THRAP3: variants seen among roughly 807,000 people sequenced by gnomAD.
THRAP3 encodes thyroid hormone receptor associated protein 3.
Under a neutral mutation model 101.0 loss-of-function variants are expected in THRAP3, and 16 were observed. That is an observed-to-expected ratio of 0.16 (90% CI 0.11 to 0.24). The LOEUF (loss-of-function observed/expected upper bound fraction) is 0.24, where lower values mean the gene tolerates loss of function less well. THRAP3 is among the 10% of genes least tolerant of loss of function. The probability of loss-of-function intolerance (pLI) is 1.00; values close to 1 mark genes in which losing one functional copy is unlikely to be tolerated. For synonymous variants in THRAP3, 407 were observed against 422.6 expected, an observed-to-expected ratio of 0.96 and a Z score of 0.45; for missense variants, 989 against 1,202.7, an observed-to-expected ratio of 0.82 and a Z score of 2.63.
chr1:36,292,140 C>T (rs1438776884), intron 6 of THRAP3, among the ~76,000 whole-genome samples: 2 of 151,620 alleles, frequency 1.3e-5, no homozygotes, highest in Non-Finnish European at 2.9e-5. Flanking sequence ...ATTTTTCCTT[C>T]CTCTTCTCAG....
rs548216042 is a variant in THRAP3 at position 36,287,296 on chromosome 1, G to C, written c.1040+26G>C. On this transcript the variant is annotated intron_variant, in intron 4 of 11. Transcript: ENST00000354618. The stretch of plus-strand genomic sequence containing the variant: ...GCAAGTATCTCATTTCCCCTGCCTG[G>C]TTGTGTTTTTATCTCACTAGCTGGC... The C allele has an allele frequency of 1.8e-5, 28 of 1,559,744 alleles. 1 individual carries two copies. In the South Asian group the frequency reaches 3.1e-4, roughly 18 times the overall value.
chr1:36,286,452 A>G lies in THRAP3; in HGVS notation c.222A>G (p.Arg74=). ...HPRVYQNRDF[R]GHNRGYRRPY... is the part of the protein sequence containing the mutation. ...GAGTATATCAGAATCGGGATTTCCG[A>G]GGTCACAACAGAGGCTATAGAAGGC... is the stretch of plus-strand genomic sequence containing the variant. Residue 74 remains arginine, a synonymous_variant, in exon 4 of 12, where the codon CGA becomes CGG. Coordinates refer to ENST00000354618, the MANE Select transcript of THRAP3 (RefSeq NM_005119.4). The surrounding 1 kb of genome is among the most constrained non-coding windows in gnomAD (Gnocchi z 5.5). The G allele has an allele frequency of 6.2e-7, 1 of 1,614,218 alleles. No individual in the cohort carries two copies. Among genetic ancestry groups the G allele is most frequent in the South Asian group, 1.1e-5 (1 of 91,088 alleles).
rs531701262 is a variant in THRAP3, at chr1:36,282,800, A to AC, written c.137+101dup. The AC allele has an allele frequency of 6.1e-4, 852 of 1,403,566 alleles. 4 individuals are homozygous for AC. The highest frequency in any genetic ancestry group is 3.0e-3 in the African/African-American group (209 of 70,596). The allele number at this position is 1,403,566 out of a possible 1,614,324, so 86.9% of individuals were successfully genotyped here. On this transcript the variant is annotated intron_variant, in intron 3 of 11. Coordinates refer to ENST00000354618, the MANE Select transcript of THRAP3 (RefSeq NM_005119.4). ...GACTTTTCCTGTGAGTGTCAAATGG[A>AC]CTGGGGGGTTGGCTTGAGGTGCAGG...
At chr1:36,287,791 T>C (rs1645814801) in intron 4 of THRAP3, 5 of 985,448 alleles carry the variant, frequency 5.1e-6, no homozygotes, top group Non-Finnish European at 6.0e-6. Flanking sequence ...AAGGTGGGTG[T>C]ATGTCCCAGT....
At chr1:36,239,245 G>T (rs1001255341) in intron 1 of THRAP3, among the ~76,000 whole-genome samples, 2 of 134,694 alleles carry the variant, frequency 1.5e-5, no homozygotes, top group Non-Finnish European at 3.1e-5. Flanking sequence ...TCCCTGTGTT[G>T]CCCAGGCTGG....
At chr1:36,258,670 G>A (rs1468321654) in intron 1 of THRAP3, among the ~76,000 whole-genome samples, 1 of 152,014 alleles carries the variant, frequency 6.6e-6, no homozygotes, top group Non-Finnish European at 1.5e-5. Flanking sequence ...TACTAGAGAC[G>A]GGATTCCACC....
At chr1:36,260,606 A>G (rs1645432575) in intron 2 of THRAP3, among the ~76,000 whole-genome samples, 2 of 151,856 alleles carry the variant, frequency 1.3e-5, no homozygotes, top group Admixed American at 6.6e-5. Context: ...GCGGATCACA[A>G]GGTCAGGAGA....
intron 6 of THRAP3, among the ~76,000 whole-genome samples, chr1:36,292,260 G>GTTTTTTTTTTTTTT: frequency 7.6e-5 from 1 of 13,108 alleles, no homozygotes; most frequent in Non-Finnish European, 1.9e-4. Context: ...GTGTTTCTTT[G>GTTTTTTTTTTTTTT]TTTCTTTTTT....
At chr1:36,292,941 A>G (rs991320307) in intron 7 of THRAP3, among the ~76,000 whole-genome samples, 9 of 151,112 alleles carry the variant, frequency 6.0e-5, no homozygotes, top group African/African-American at 1.9e-4. Context: ...ACATAGATTA[A>G]CTCCTATATT....
intron 9 of THRAP3, 138 bp from the exon 10 acceptor site, chr1:36,300,748 G>A (rs1329182952): frequency 2.6e-6 from 2 of 782,584 alleles, no homozygotes; most frequent in African/African-American, 3.5e-5. Context: ...GGGGTGAGCT[G>A]GCTTTATAAG....
At chr1:36,279,963 A>T (rs1403953139) in intron 2 of THRAP3, among the ~76,000 whole-genome samples, 1 of 152,216 alleles carries the variant, frequency 6.6e-6, no homozygotes, top group Non-Finnish European at 1.5e-5. Flanking sequence ...ACTGCTCTAG[A>T]CAGGCAATAT....
At chr1:36,236,690 G>A (rs780422140) in intron 1 of THRAP3, among the ~76,000 whole-genome samples, 44 of 152,226 alleles carry the variant, frequency 2.9e-4, no homozygotes, top group Admixed American at 7.2e-4. Flanking sequence ...AAGAGTTTCC[G>A]AATTTCCTTT....
intron 8 of THRAP3, 198 bp downstream of exon 8, chr1:36,294,133 G>A: frequency 7.4e-7 from 1 of 1,356,198 alleles, no homozygotes; most frequent in Non-Finnish European, 9.5e-7. Context: ...GTTAGAATAT[G>A]GTAAATGACC....
At chr1:36,210,167 C>A in the THRAP3 span, among the ~76,000 whole-genome samples, 1 of 149,286 alleles carries the variant, frequency 6.7e-6, no homozygotes, top group Non-Finnish European at 1.5e-5. Flanking sequence ...AAGATCGAGA[C>A]CATCCTGGCT....
intron 2 of THRAP3, among the ~76,000 whole-genome samples, chr1:36,276,263 C>T (rs1360101275): frequency 2.0e-5 from 3 of 151,096 alleles, no homozygotes; most frequent in African/African-American, 7.3e-5. Flanking sequence ...TGGTGGCTCA[C>T]ACCTGTAATC....
chr1:36,284,097 G>A (rs1250950437), intron 3 of THRAP3, among the ~76,000 whole-genome samples: 1 of 152,110 alleles, frequency 6.6e-6, no homozygotes, highest in African/African-American at 2.4e-5. Flanking sequence ...GTAACTAGAA[G>A]AAACTAAATA....
upstream of THRAP3, among the ~76,000 whole-genome samples, chr1:36,220,798 A>G (rs1039761060): frequency 1.3e-5 from 2 of 151,598 alleles, no homozygotes; most frequent in African/African-American, 2.4e-5. Flanking sequence ...TACTAAAAAC[A>G]CAAAAAATTA....
In THRAP3 at chr1:36,289,592, G is replaced by A; in HGVS notation, c.1573G>A (p.Ala525Thr). Residue 525 changes from alanine (A) to threonine (T), a missense_variant, in exon 5 of 12, where the codon GCT becomes ACT. By Grantham distance (58) the Ala-to-Thr change is moderately conservative. Coordinates refer to ENST00000354618, the MANE Select transcript of THRAP3 (RefSeq NM_005119.4). ...FVPEKNFRVT[A>T]YKAVQEKSSS... The stretch of plus-strand genomic sequence containing the variant: ...GCCTGAGAAGAATTTCCGAGTGACT[G>A]CTTATAAAGCAGTCCAGGAGAAAAG... The A allele has an allele frequency of 1.2e-6, 2 of 1,614,112 alleles. No individual in the cohort carries two copies. The highest frequency in any genetic ancestry group is 1.7e-6 in the Non-Finnish European group (2 of 1,180,014).
At position 36,286,061 on chromosome 1, in the gene THRAP3, G is replaced by A. The variant is rs1421856115; in HGVS notation, c.138-307G>A. On this transcript the variant is annotated intron_variant, in intron 3 of 11. Coordinates refer to ENST00000354618, the MANE Select transcript of THRAP3 (RefSeq NM_005119.4). The surrounding 1 kb of genome is among the most constrained non-coding windows in gnomAD (Gnocchi z 5.5). ...ATTATGGTATATTAAAATGGTCTTT[G>A]TGTGGTTTACTACCTTAAGAAAATG... is the stretch of plus-strand genomic sequence containing the variant. Among the ~76,000 whole-genome samples the A allele has an allele frequency of 6.6e-6, 1 of 152,174 alleles. No homozygotes were observed. The highest frequency in any genetic ancestry group is 6.5e-5 in the Admixed American group (1 of 15,268).
Sources: gnomAD v4.1 joint callset for allele counts (sites outside exome capture counted in the v4.1 genomes callset) on GRCh38, gnomAD v4.1.1 for gene constraint, Gnocchi (gnomAD v3.1) non-coding constraint, MANE v1.5 for transcripts, NCBI Gene and HGNC (gene_info 2026-07-23, HGNC 2026-07-21) for gene names.